The following MEIKIN variants were observed in gnomAD, a reference collection of about 807,000 sequenced individuals.
MEIKIN encodes the protein meiosis-specific kinetochore protein.
At chr5:131,941,508 G>GT (rs1751869986) in intron 4 of MEIKIN, among the ~76,000 whole-genome samples, 1 of 152,074 alleles carries the variant, frequency 6.6e-6, no homozygotes, top group South Asian at 2.1e-4. Flanking sequence ...AGGGTTTAGA[G>GT]TATTTCCAGG....
chr5:131,921,734 A>G, intron 6 of MEIKIN, 88 bp downstream of exon 6: 1 of 397,040 alleles, frequency 2.5e-6, no homozygotes. Context: ...AATCCAACTG[A>G]TAGACTTAGC....
intron 11 of MEIKIN, among the ~76,000 whole-genome samples, chr5:131,825,394 C>T (rs1749593853): frequency 1.3e-5 from 2 of 152,260 alleles, no homozygotes; most frequent in East Asian, 3.9e-4. Flanking sequence ...CAGTTTATTA[C>T]AGCAAAAGGA....
intron 11 of MEIKIN, among the ~76,000 whole-genome samples, chr5:131,838,396 T>C (rs922698235): frequency 6.6e-6 from 1 of 152,156 alleles, no homozygotes; most frequent in Non-Finnish European, 1.5e-5. Context: ...GTCCCTCATT[T>C]TCAATTTTTT....
At chr5:131,811,048 A>C (rs1430022172) in intron 12 of MEIKIN, among the ~76,000 whole-genome samples, 1 of 152,150 alleles carries the variant, frequency 6.6e-6, no homozygotes, top group East Asian at 1.9e-4. Context: ...CAGAGGTTGA[A>C]AGGGAAACAG....
intron 11 of MEIKIN, among the ~76,000 whole-genome samples, chr5:131,830,500 A>G (rs1404592691): frequency 1.3e-5 from 2 of 152,268 alleles, no homozygotes; most frequent in African/African-American, 2.4e-5. Flanking sequence ...GATTGGAGAT[A>G]TAACAGAAAA....
chr5:131,886,910 G>A (rs1026248808), intron 8 of MEIKIN, among the ~76,000 whole-genome samples: 21 of 150,834 alleles, frequency 1.4e-4, no homozygotes, highest in Middle Eastern at 3.4e-3. Context: ...CCATCAACTC[G>A]TCATTTACAT....
At chr5:131,843,236 G>GT (rs1475483218) in intron 11 of MEIKIN, among the ~76,000 whole-genome samples, 1 of 152,242 alleles carries the variant, frequency 6.6e-6, no homozygotes, top group Non-Finnish European at 1.5e-5. Flanking sequence ...AGGGGCTGTT[G>GT]TGAAGGTCTC....
intron 8 of MEIKIN, among the ~76,000 whole-genome samples, chr5:131,896,217 G>T (rs1257411233): frequency 2.6e-5 from 4 of 152,162 alleles, no homozygotes; most frequent in Non-Finnish European, 5.9e-5. Context: ...TCTTAATCAT[G>T]AGTTCTAATT....
chr5:131,868,415 T>A (rs1010772557), intron 9 of MEIKIN, among the ~76,000 whole-genome samples: 1 of 152,192 alleles, frequency 6.6e-6, no homozygotes, highest in Non-Finnish European at 1.5e-5. Context: ...CAATTCCAAT[T>A]GCCTAATGAC....
At chr5:131,935,711 A>G (rs938982775) in intron 4 of MEIKIN, among the ~76,000 whole-genome samples, 2 of 152,140 alleles carry the variant, frequency 1.3e-5, no homozygotes, top group African/African-American at 4.8e-5. Context: ...TCCATTACCT[A>G]CTTGAGACAA....
At chr5:131,879,214 T>C (rs1402121300) in intron 8 of MEIKIN, among the ~76,000 whole-genome samples, 166 bp from the exon 9 acceptor site, 3 of 152,208 alleles carry the variant, frequency 2.0e-5, no homozygotes, top group Non-Finnish European at 4.4e-5. Context: ...AATTAATGTA[T>C]GTTGAATAAT....
intron 9 of MEIKIN, among the ~76,000 whole-genome samples, chr5:131,867,117 C>A (rs1330543253): frequency 6.6e-6 from 1 of 152,140 alleles, no homozygotes; most frequent in Non-Finnish European, 1.5e-5. Flanking sequence ...ATCTGGTTTG[C>A]CTCTCTTTAG....
chr5:131,819,769 T>C (rs868833352), intron 11 of MEIKIN, among the ~76,000 whole-genome samples: 26 of 100,774 alleles, frequency 2.6e-4, no homozygotes, highest in African/African-American at 1.5e-3. Flanking sequence ...CCAGCTATTT[T>C]TTTTTTTTTT....
intron 9 of MEIKIN, among the ~76,000 whole-genome samples, chr5:131,873,726 T>C (rs564053382): frequency 1.4e-4 from 21 of 152,088 alleles, no homozygotes; most frequent in Non-Finnish European, 2.2e-4. Flanking sequence ...TATTCCAAAA[T>C]TGAACACATA....
At chr5:131,926,405 G>A (rs1024661452) in intron 5 of MEIKIN, among the ~76,000 whole-genome samples, 1 of 152,132 alleles carries the variant, frequency 6.6e-6, no homozygotes, top group Non-Finnish European at 1.5e-5. Context: ...CATGGTGTAT[G>A]ATCCTTTTAA....
chr5:131,870,997 T>C (rs1018613544), intron 9 of MEIKIN, among the ~76,000 whole-genome samples: 4 of 152,028 alleles, frequency 2.6e-5, no homozygotes, highest in African/African-American at 9.7e-5. Context: ...TTCTCAGCTA[T>C]AAAATAGGTA....
chr5:131,855,351 T>C (rs1413624929), intron 9 of MEIKIN, among the ~76,000 whole-genome samples: 1 of 152,140 alleles, frequency 6.6e-6, no homozygotes, highest in Non-Finnish European at 1.5e-5. Context: ...ACATCAAAGT[T>C]AAAGAAATTA....
At chr5:131,899,020 G>A (rs751266171) in intron 8 of MEIKIN, among the ~76,000 whole-genome samples, 11 of 151,952 alleles carry the variant, frequency 7.2e-5, no homozygotes, top group Non-Finnish European at 1.5e-4. Context: ...ATCACGCTGG[G>A]AGCTGCAGAC....
intron 6 of MEIKIN, among the ~76,000 whole-genome samples, chr5:131,919,839 GAA>G (rs1029235772): frequency 1.3e-5 from 2 of 152,128 alleles, no homozygotes; most frequent in African/African-American, 4.8e-5. Context: ...AATTTTCTGA[GAA>G]TAACTTTTTA....
Sources: gnomAD v4.1 joint callset for allele counts (sites outside exome capture counted in the v4.1 genomes callset) on GRCh38, gnomAD v4.1.1 for gene constraint, MANE v1.5 for transcripts, NCBI Gene and HGNC (gene_info 2026-07-23, HGNC 2026-07-21) for gene names.